Variants in SCP2 observed in about 807,000 individuals in gnomAD.
SCP2 encodes sterol carrier protein 2.
In SCP2, 48 loss-of-function variants were observed where a neutral mutation model predicts 71.4. The ratio of observed to expected loss-of-function variants is 0.67; its 90% confidence interval spans 0.53 to 0.86. SCP2 has a LOEUF of 0.86. Ranked by LOEUF, SCP2 falls within the 40% of genes least tolerant of loss-of-function variation. SCP2 has a pLI of 0.00. For missense variants in SCP2, 560 were observed against 655.6 expected, an observed-to-expected ratio of 0.85 and a Z score of 1.59; for synonymous variants, 220 against 218.1, an observed-to-expected ratio of 1.01 and a Z score of -0.08.
intron 12 of SCP2, among the ~76,000 whole-genome samples, chr1:53,025,501 C>A (rs1458264619): frequency 1.3e-5 from 2 of 152,096 alleles, no homozygotes; most frequent in Non-Finnish European, 2.9e-5. Flanking sequence ...GAACTTGGAT[C>A]CCCTCTATTC....
chr1:53,031,244 G>A (rs887672901), intron 13 of SCP2, among the ~76,000 whole-genome samples: 1 of 152,154 alleles, frequency 6.6e-6, no homozygotes. Flanking sequence ...ACAAATTAGT[G>A]TGGTTTTTAT....
At chr1:52,996,863 C>T (rs959025546) in intron 11 of SCP2, among the ~76,000 whole-genome samples, 1 of 152,198 alleles carries the variant, frequency 6.6e-6, no homozygotes, top group Non-Finnish European at 1.5e-5. Context: ...GGAAGGGGAA[C>T]CCTCCTCCAT....
At chr1:52,985,324 C>T (rs1286425979) in intron 10 of SCP2, among the ~76,000 whole-genome samples, 1 of 152,162 alleles carries the variant, frequency 6.6e-6, no homozygotes, top group Non-Finnish European at 1.5e-5. Flanking sequence ...CTTCCCCATC[C>T]TCCTGTTGCT....
At chr1:53,006,608 T>C (rs1660652465) in intron 11 of SCP2, among the ~76,000 whole-genome samples, 1 of 152,126 alleles carries the variant, frequency 6.6e-6, no homozygotes, top group South Asian at 2.1e-4. Context: ...CAGGCCTGCC[T>C]TACAAGAGCT....
rs567981030 is a variant in SCP2 at position 53,001,571 on chromosome 1, T to C, written c.1082-13319T>C. The stretch of plus-strand genomic sequence containing the variant: ...TTTACAAAAGAAGAAAATAGAGGCA[T>C]GGAGAGTTTAAATGATTTGCATGAA... On this transcript the variant is annotated intron_variant, in intron 11 of 15. Coordinates refer to ENST00000371514, the MANE Select transcript of SCP2 (RefSeq NM_002979.5). Among the ~76,000 whole-genome samples the C allele has an allele frequency of 3.3e-3, 506 of 152,288 alleles. 2 individuals are homozygous for C. The highest frequency in any genetic ancestry group is 0.012 in the African/African-American group (484 of 41,572).
At chr1:52,998,663 A>G (rs565225993) in intron 11 of SCP2, among the ~76,000 whole-genome samples, 84 of 152,326 alleles carry the variant, frequency 5.5e-4, no homozygotes, top group Non-Finnish European at 9.4e-4. Flanking sequence ...CATAGGATAA[A>G]TTTCAAACAG....
At chr1:53,021,645 CTTTTTTT>C (rs753678066) in intron 12 of SCP2, among the ~76,000 whole-genome samples, 349 of 95,686 alleles carry the variant, frequency 3.6e-3, no homozygotes, top group Admixed American at 6.8e-3. Context: ...CTTTTTCTTT[CTTTTTTT>C]TTTTTTTTTT....
At chr1:52,987,041 T>C (rs1435834469) in intron 10 of SCP2, among the ~76,000 whole-genome samples, 1 of 146,812 alleles carries the variant, frequency 6.8e-6, no homozygotes. Flanking sequence ...AGAGTTTTGC[T>C]CTTGTCGCCC....
chr1:53,038,880 G>A lies in SCP2; in HGVS notation c.1339-37G>A, dbSNP rs759031241. 6 of 1,612,360 alleles carry A rather than the reference G, an allele frequency of 3.7e-6. No homozygotes were observed. In the South Asian group the frequency reaches 6.6e-5, roughly 18 times the overall value. ...TGCTTGAGGAGAAAGCCAGAGAAAT[G>A]GACTTAATGTAACCCCAGTGTTATT... On this transcript the variant is annotated intron_variant, in intron 13 of 15. Coordinates refer to ENST00000371514, the MANE Select transcript of SCP2 (RefSeq NM_002979.5).
chr1:52,946,177 C>T lies in SCP2; in HGVS notation c.128-1832C>T, dbSNP rs575597202. Reference sequence around the variant, plus strand: ...GTCCTGGGCTCAAGGAATGCTCCTGCCTTGGTCTCCCAAAGTGCTAGGATT... The same window carrying T: ...GTCCTGGGCTCAAGGAATGCTCCTGTCTTGGTCTCCCAAAGTGCTAGGATT... On this transcript the variant is annotated intron_variant, in intron 2 of 15. Transcript: ENST00000371514. 1.2e-4 allele frequency among the ~76,000 whole-genome samples: 19 copies of T among 152,042 alleles called. 1 individual carries two copies. In the South Asian group the frequency reaches 3.7e-3, roughly 30 times the overall value.
At chr1:52,970,249 C>G (rs1164201988) in intron 6 of SCP2, among the ~76,000 whole-genome samples, 2 of 151,956 alleles carry the variant, frequency 1.3e-5, no homozygotes, top group Non-Finnish European at 2.9e-5. Context: ...CTATGGTGCC[C>G]TCTTCTGTAA....
intron 15 of SCP2, chr1:53,048,318 A>G: frequency 3.3e-6 from 1 of 306,222 alleles, no homozygotes; most frequent in South Asian, 3.2e-5. Flanking sequence ...GGCGGAAAGT[A>G]GGAGTGTTCC....
intron 6 of SCP2, among the ~76,000 whole-genome samples, chr1:52,966,969 C>G (rs1182374302): frequency 6.6e-6 from 1 of 152,100 alleles, no homozygotes; most frequent in East Asian, 1.9e-4. Flanking sequence ...GGACGGATTA[C>G]CTGAGGTCAG....
At chr1:53,005,316 G>A (rs781073064) in intron 11 of SCP2, among the ~76,000 whole-genome samples, 1 of 152,186 alleles carries the variant, frequency 6.6e-6, no homozygotes, top group Non-Finnish European at 1.5e-5. Flanking sequence ...AGAATGAACA[G>A]ATTGCCTTAA....
At chr1:52,972,039 C>T (rs72899318) in intron 6 of SCP2, among the ~76,000 whole-genome samples, 2,576 of 152,112 alleles carry the variant, frequency 0.017, 45 homozygotes, top group African/African-American at 0.057. Context: ...GCTTCTGAGG[C>T]TATCATTTGG....
intron 5 of SCP2, among the ~76,000 whole-genome samples, chr1:52,959,320 C>T (rs977633772): frequency 2.0e-5 from 3 of 151,754 alleles, no homozygotes; most frequent in African/African-American, 7.3e-5. Context: ...CTCAGCCTCC[C>T]GAGTAGCTGG....
chr1:52,983,566 C>T (rs1382743903), intron 10 of SCP2, among the ~76,000 whole-genome samples: 1 of 152,170 alleles, frequency 6.6e-6, no homozygotes, highest in East Asian at 1.9e-4. Flanking sequence ...TTTAAATTCA[C>T]TGACTCTTCC....
At chr1:53,038,643 G>A (rs1465800399) in intron 13 of SCP2, among the ~76,000 whole-genome samples, 2 of 152,062 alleles carry the variant, frequency 1.3e-5, no homozygotes, top group East Asian at 3.9e-4. Flanking sequence ...GGGCTCAAGT[G>A]ATCCCCCCAC....
chr1:53,045,864 C>G (rs946864444), intron 14 of SCP2, among the ~76,000 whole-genome samples: 7 of 152,144 alleles, frequency 4.6e-5, no homozygotes, highest in African/African-American at 1.7e-4. Context: ...TAGTCAGCCC[C>G]CTCAGGCCCT....
Sources: gnomAD v4.1 joint callset for allele counts (sites outside exome capture counted in the v4.1 genomes callset) on GRCh38, gnomAD v4.1.1 for gene constraint, MANE v1.5 for transcripts, NCBI Gene and HGNC (gene_info 2026-07-23, HGNC 2026-07-21) for gene names.